NR3C2: variants seen among roughly 807,000 people sequenced by gnomAD.
The protein encoded by NR3C2 is mineralocorticoid receptor.
NR3C2 carries 15 observed loss-of-function variants against 86.4 expected under a neutral mutation model. The observed-to-expected ratio is 0.17, with a 90% CI of 0.12 to 0.27. The LOEUF is 0.27. Among genes scored for constraint, NR3C2 ranks in the 10% least tolerant of loss-of-function variants. The pLI is 1.00. For synonymous variants in NR3C2, 458 were observed against 450.5 expected (o/e 1.02, Z -0.21); for missense variants, 960 against 1,195.6 (o/e 0.80, Z 2.91).
intron 2 of NR3C2, among the ~76,000 whole-genome samples, chr4:148,363,534 C>T (rs973200426): frequency 5.1e-5 from 2 of 39,350 alleles, no homozygotes; most frequent in South Asian, 6.5e-4. Flanking sequence ...GACGGAGTGT[C>T]GCTCTTTGGC....
intron 2 of NR3C2, among the ~76,000 whole-genome samples, chr4:148,293,794 A>G (rs1332739313): frequency 1.3e-5 from 2 of 152,176 alleles, no homozygotes; most frequent in Non-Finnish European, 2.9e-5. Flanking sequence ...CATGTTTGGT[A>G]TCATCATTTC....
At chr4:148,308,150 T>C (rs544996959) in intron 2 of NR3C2, among the ~76,000 whole-genome samples, 1 of 152,276 alleles carries the variant, frequency 6.6e-6, no homozygotes, top group South Asian at 2.1e-4. Context: ...AAGTTCCAAG[T>C]CTGGGTGTCT....
intron 2 of NR3C2, among the ~76,000 whole-genome samples, chr4:148,362,902 A>T (rs2126315187): frequency 6.6e-6 from 1 of 152,258 alleles, no homozygotes; most frequent in Admixed American, 6.5e-5. Context: ...CGTTTCCGTT[A>T]TGACATCTTT....
intron 2 of NR3C2, among the ~76,000 whole-genome samples, chr4:148,323,350 C>CCCAGAGGCT (rs894629406): frequency 6.7e-5 from 10 of 149,028 alleles, no homozygotes; most frequent in African/African-American, 2.5e-4. Context: ...GTGCCCTGCC[C>CCCAGAGGCT]CCAGAGGTGG....
intron 2 of NR3C2, among the ~76,000 whole-genome samples, chr4:148,348,523 C>G (rs2149989911): frequency 6.6e-6 from 1 of 152,218 alleles, no homozygotes. Flanking sequence ...CTTATTTTTA[C>G]CATCCAAAGA....
intron 1 of NR3C2, among the ~76,000 whole-genome samples, chr4:148,439,981 T>G (rs1750257501): frequency 6.6e-6 from 1 of 152,204 alleles, no homozygotes; most frequent in African/African-American, 2.4e-5. Context: ...CTTAATAACA[T>G]AAAATAGGCT....
chr4:148,181,062 G>A (rs1474184895), intron 4 of NR3C2, among the ~76,000 whole-genome samples: 2 of 152,146 alleles, frequency 1.3e-5, no homozygotes, highest in East Asian at 3.9e-4. Flanking sequence ...GGGGGAACGT[G>A]ATATGGCCAC....
At chr4:148,275,790 C>T (rs923275007) in intron 2 of NR3C2, among the ~76,000 whole-genome samples, 3 of 152,072 alleles carry the variant, frequency 2.0e-5, no homozygotes, top group African/African-American at 7.2e-5. Flanking sequence ...CTAATATTAT[C>T]ATATGCTATA....
chr4:148,266,954 C>T (rs1322418673), intron 2 of NR3C2, among the ~76,000 whole-genome samples: 2 of 152,126 alleles, frequency 1.3e-5, no homozygotes, highest in Non-Finnish European at 2.9e-5. Context: ...GGGGGAAGAG[C>T]AGTTTGGAGA....
intron 2 of NR3C2, among the ~76,000 whole-genome samples, chr4:148,420,056 A>C (rs1389622651): frequency 6.6e-6 from 1 of 152,134 alleles, no homozygotes; most frequent in Non-Finnish European, 1.5e-5. Flanking sequence ...ACCTACATGC[A>C]TACACGTCCA....
chr4:148,136,360 GA>G (rs1487876628), intron 6 of NR3C2, among the ~76,000 whole-genome samples: 1 of 151,690 alleles, frequency 6.6e-6, no homozygotes, highest in Admixed American at 6.6e-5. Context: ...TGGAGAGAAG[GA>G]AGGGAAGCAG....
chr4:148,150,521 C>T (rs747187918), intron 6 of NR3C2, among the ~76,000 whole-genome samples: 22 of 152,140 alleles, frequency 1.4e-4, no homozygotes, highest in Non-Finnish European at 2.1e-4. Flanking sequence ...CCATCTTAAA[C>T]GGTGAAATCA....
At chr4:148,316,166 T>C (rs889241400) in intron 2 of NR3C2, among the ~76,000 whole-genome samples, 3 of 152,118 alleles carry the variant, frequency 2.0e-5, no homozygotes, top group African/African-American at 7.2e-5. Flanking sequence ...CAGAAAATAA[T>C]TGTAATATGA....
chr4:148,186,988 GTATGTATGTATATATATATATATA>G lies in NR3C2; in HGVS notation c.2014+7734_2014+7757del, dbSNP rs1432345820. 3.9e-3 allele frequency among the ~76,000 whole-genome samples: 53 copies of G among 13,694 alleles called. 1 individual carries two copies. The highest frequency in any genetic ancestry group is 0.038 in the African/African-American group (44 of 1,160). The allele number at this position is 13,694 out of a possible 152,430, so 9.0% of individuals were successfully genotyped here. On this transcript the variant is annotated intron_variant, in intron 4 of 8. Coordinates refer to ENST00000358102, the MANE Select transcript of NR3C2 (RefSeq NM_000901.5). ...ATAGTATTCCATCATACTGATGTGT[GTATGTATGTATATATATATATATA>G]TATATATATATATATATATATATAT...
At chr4:148,442,898 G>A (rs902759279), upstream of NR3C2, 3 of 985,234 alleles carry the variant, frequency 3.0e-6, no homozygotes, top group African/African-American at 3.5e-5. Flanking sequence ...TGCTGACGCG[G>A]AAGAAGTCGG....
intron 3 of NR3C2, among the ~76,000 whole-genome samples, chr4:148,210,459 G>C (rs1737228401): frequency 6.6e-6 from 1 of 152,148 alleles, no homozygotes; most frequent in African/African-American, 2.4e-5. Context: ...CCAAAGTGCT[G>C]GGATTACAGG....
chr4:148,218,676 C>T (rs551637340), intron 3 of NR3C2, among the ~76,000 whole-genome samples: 1 of 152,254 alleles, frequency 6.6e-6, no homozygotes, highest in South Asian at 2.1e-4. Flanking sequence ...GCAGTTAATT[C>T]CTGTTCCCAC....
At chr4:148,444,601 G>T, upstream of NR3C2, 1 of 988,744 alleles carries the variant, frequency 1.0e-6, no homozygotes, top group Non-Finnish European at 1.2e-6. Flanking sequence ...TGCTGCCGCC[G>T]CCACCAGCAA....
rs143677179 is a variant in NR3C2 at position 148,285,716 on chromosome 4, AAAAC to A, written c.1758-25603_1758-25600del. Among the ~76,000 whole-genome samples, 604 of 152,268 alleles carry A rather than the reference AAAAC, an allele frequency of 4.0e-3. 15 individuals are homozygous for A. The highest frequency in any genetic ancestry group is 0.026 in the Admixed American group (401 of 15,288). ...GTGAGACTCTGTCTCAAAAAAAACAAAAACAAACAAACAAAAAAAACTTCCTCCA... is the reference window on the plus strand; with the variant it reads ...GTGAGACTCTGTCTCAAAAAAAACAAAAACAAACAAAAAAAACTTCCTCCA... On this transcript the variant is annotated intron_variant, in intron 2 of 8. Coordinates refer to ENST00000358102, the MANE Select transcript of NR3C2 (RefSeq NM_000901.5).
Sources: allele counts gnomAD v4.1 joint callset (sites outside exome capture counted in the v4.1 genomes callset), GRCh38; gene constraint gnomAD v4.1.1; transcripts MANE v1.5; gene names NCBI Gene and HGNC (gene_info 2026-07-23, HGNC 2026-07-21).